The following FARSB variants were observed in gnomAD, a reference collection of about 807,000 sequenced individuals.
FARSB encodes phenylalanine--tRNA ligase beta subunit.
A neutral mutation model predicts 69.6 loss-of-function variants in FARSB; 40 were observed. The observed-to-expected ratio is 0.57, with a 90% CI of 0.45 to 0.75. The LOEUF is 0.75. FARSB is among the 30% of genes least tolerant of loss of function. The pLI, the probability that FARSB is intolerant of heterozygous loss-of-function variation, is 0.00. For synonymous variants in FARSB, 235 were observed against 247.2 expected (o/e 0.95, Z 0.46); for missense variants, 632 against 722.9 (o/e 0.87, Z 1.44).
At chr2:222,615,896 A>G (rs1690985002) in intron 14 of FARSB, among the ~76,000 whole-genome samples, 1 of 152,238 alleles carries the variant, frequency 6.6e-6, no homozygotes, top group Non-Finnish European at 1.5e-5. Context: ...ACAAAACTAC[A>G]ATGTTAAAAG....
rs1461262182 is a variant in FARSB at position 222,571,828 on chromosome 2, A to T, written c.*43T>A. Reference sequence around the variant, plus strand: ...GGACTTAAGGACACTAGGGGAGGAGAAAGGGACACCTGGGAAGAGAATCAC... The same window carrying T: ...GGACTTAAGGACACTAGGGGAGGAGTAAGGGACACCTGGGAAGAGAATCAC... On this transcript the variant is annotated 3_prime_UTR_variant, in exon 17 of 17. Coordinates refer to ENST00000281828, the MANE Select transcript of FARSB (RefSeq NM_005687.5). 1 of 1,566,678 alleles carries T rather than the reference A, an allele frequency of 6.4e-7. No homozygotes were observed. The highest frequency in any genetic ancestry group is 1.4e-5 in the African/African-American group (1 of 73,108).
chr2:222,608,049 A>T (rs1690752782), intron 15 of FARSB, among the ~76,000 whole-genome samples: 1 of 152,198 alleles, frequency 6.6e-6, no homozygotes, highest in African/African-American at 2.4e-5. Context: ...AAATGTACTA[A>T]AATAACTTTC....
intron 10 of FARSB, among the ~76,000 whole-genome samples, chr2:222,627,046 AAAG>A (rs760160673): frequency 4.4e-4 from 67 of 151,126 alleles, no homozygotes; most frequent in East Asian, 2.5e-3. Flanking sequence ...AAAAAAGAAA[AAAG>A]AAGAAGAAGA....
In FARSB at chr2:222,594,367, G is replaced by A. The variant is rs79677937; in HGVS notation, c.1618+5561C>T. On this transcript the variant is annotated intron_variant, in intron 16 of 16. Coordinates refer to ENST00000281828, the MANE Select transcript of FARSB (RefSeq NM_005687.5). Reference sequence around the variant, plus strand: ...TATAATTTGATACACTACAGTTTATGTAAGTAAATAAATAACATTAAGAGT... The same window carrying A: ...TATAATTTGATACACTACAGTTTATATAAGTAAATAAATAACATTAAGAGT... 6.0e-3 allele frequency among the ~76,000 whole-genome samples: 919 copies of A among 152,196 alleles called. 11 individuals are homozygous for A. Among genetic ancestry groups the A allele is most frequent in the African/African-American group, 0.021 (859 of 41,550 alleles).
At chr2:222,615,187 A>G (rs1297958254) in intron 14 of FARSB, among the ~76,000 whole-genome samples, 1 of 152,172 alleles carries the variant, frequency 6.6e-6, no homozygotes, top group African/African-American at 2.4e-5. Flanking sequence ...ACATGTTACC[A>G]GAAGAGTTTT....
In FARSB at chr2:222,570,143, A is replaced by T. The variant is rs556740145; in HGVS notation, c.*1728T>A. 1.3e-5 allele frequency among the ~76,000 whole-genome samples: 2 copies of T among 152,304 alleles called. No homozygotes were observed. Among genetic ancestry groups the T allele is most frequent in the East Asian group, 3.9e-4 (2 of 5,188 alleles). On this transcript the variant is annotated 3_prime_UTR_variant, in exon 17 of 17. Coordinates refer to ENST00000281828, the MANE Select transcript of FARSB (RefSeq NM_005687.5). ...ATTTCCCTGATGACTAACGATGTTG[A>T]GGATCTTTTCAAGTGCTCATTCATA...
chr2:222,623,712 T>C lies in FARSB; in HGVS notation c.1189A>G (p.Thr397Ala). The C allele has an allele frequency of 6.2e-7, 1 of 1,609,176 alleles. No individual in the cohort carries two copies. Among genetic ancestry groups the C allele is most frequent in the Non-Finnish European group, 8.5e-7 (1 of 1,175,744 alleles). The change falls in exon 13 of 17, where the codon ACT becomes GCT. Residue 397 changes from threonine (T) to alanine (A), a missense_variant. Transcript: ENST00000281828. Reference sequence around the variant, plus strand: ...GCCATGTCATGTCGGAGAAGTTCAGTGAGCTTATTAAGAGGAAACTGAAAA... The same window carrying C: ...GCCATGTCATGTCGGAGAAGTTCAGCGAGCTTATTAAGAGGAAACTGAAAA... ...IANQFPLNKL[T>A]ELLRHDMAAA...
chr2:222,583,801 C>T (rs952401418), intron 16 of FARSB, among the ~76,000 whole-genome samples: 5 of 152,136 alleles, frequency 3.3e-5, no homozygotes, highest in African/African-American at 9.7e-5. Flanking sequence ...AGGGAGTTCT[C>T]ACAAGATCTG....
chr2:222,653,225 G>A (rs1692082404), intron 1 of FARSB, among the ~76,000 whole-genome samples: 1 of 152,216 alleles, frequency 6.6e-6, no homozygotes, highest in South Asian at 2.1e-4. Context: ...GGAGTCAGAA[G>A]AGCAAAATAA....
intron 4 of FARSB, among the ~76,000 whole-genome samples, chr2:222,640,506 C>T (rs529560822): frequency 5.9e-5 from 9 of 151,934 alleles, no homozygotes; most frequent in Non-Finnish European, 1.3e-4. Flanking sequence ...TGTCTGTACT[C>T]CCAAATACTC....
rs775656359 is a variant in FARSB at position 222,640,875 on chromosome 2, A to G, written c.326T>C (p.Ile109Thr). ...VMPDGKIQKLIITEETAKIRP... is the reference protein window; with the variant it reads ...VMPDGKIQKLTITEETAKIRP... ...TGTCCTTATTACCTCTTCTGTGATA[A>G]TCAATTTCTGGATTTTTCCATCAGG... Residue 109 changes from isoleucine to threonine, a missense_variant, in exon 4 of 17, where the codon ATT (isoleucine) becomes ACT (threonine). Physicochemically the swap from Ile to Thr is moderately conservative, Grantham distance 89. Transcript: ENST00000281828. 7.1e-6 allele frequency: 11 copies of G among 1,554,234 alleles called. No homozygotes were observed. In the South Asian group the frequency reaches 1.3e-4, roughly 18 times the overall value.
chr2:222,595,651 A>G (rs1690390758), intron 16 of FARSB, among the ~76,000 whole-genome samples: 3 of 152,160 alleles, frequency 2.0e-5, no homozygotes, highest in Admixed American at 2.0e-4. Flanking sequence ...AATAATCAAA[A>G]CTGAAATAGG....
intron 14 of FARSB, among the ~76,000 whole-genome samples, chr2:222,616,401 G>C (rs1690995652): frequency 6.6e-6 from 1 of 152,076 alleles, no homozygotes. Context: ...ACAAAAATTA[G>C]CTGGGCGCGG....
chr2:222,620,284 T>G (rs1395480610), intron 13 of FARSB, among the ~76,000 whole-genome samples: 2 of 152,210 alleles, frequency 1.3e-5, no homozygotes, highest in Non-Finnish European at 2.9e-5. Context: ...TTTCATGACT[T>G]TCCATTTTGA....
intron 15 of FARSB, among the ~76,000 whole-genome samples, chr2:222,606,824 G>C (rs1234841246): frequency 6.6e-6 from 1 of 152,202 alleles, no homozygotes; most frequent in Admixed American, 6.5e-5. Flanking sequence ...GACTGGAAAA[G>C]AGCAGAGTCT....
intron 15 of FARSB, among the ~76,000 whole-genome samples, chr2:222,608,589 A>G (rs556267118): frequency 6.6e-6 from 1 of 152,314 alleles, no homozygotes; most frequent in East Asian, 1.9e-4. Flanking sequence ...TCTTAAACAT[A>G]TATTGTGACT....
Position 222,601,166 on chromosome 2 carries a change from T to C in FARSB, c.1463-1083A>G, listed in dbSNP as rs572524082. Among the ~76,000 whole-genome samples, 5 of 152,274 alleles carry C rather than the reference T, an allele frequency of 3.3e-5. No homozygotes were observed. The South Asian group carries it at 8.3e-4, about 25-fold the overall frequency. ...TTGAATGAGTATAAAAGTTTAGCCA[T>C]GCAAGATGAAAAGTTCTAGAGACCC... On this transcript the variant is annotated intron_variant, in intron 15 of 16. Coordinates refer to ENST00000281828, the MANE Select transcript of FARSB (RefSeq NM_005687.5).
chr2:222,618,727 A>G (rs1013299268), intron 14 of FARSB, among the ~76,000 whole-genome samples: 1 of 152,236 alleles, frequency 6.6e-6, no homozygotes, highest in Non-Finnish European at 1.5e-5. Flanking sequence ...AAACTTAGAC[A>G]ATTACAATAA....
In FARSB at chr2:222,648,773, T is replaced by C. The variant is rs770459110; in HGVS notation, c.81A>G (p.Leu27=). The change falls in exon 2 of 17, where the codon CTA becomes CTG. Residue 27 remains leucine (L), a synonymous_variant. Coordinates refer to ENST00000281828, the MANE Select transcript of FARSB (RefSeq NM_005687.5). ...RTYTDEEFDE[L]CFEFGLELDE... The stretch of plus-strand genomic sequence containing the variant: ...CAAGCTCCAGACCAAATTCAAAACA[T>C]AGTTCATCAAATTCTTCGTCAGCTA... The C allele has an allele frequency of 7.5e-6, 12 of 1,603,578 alleles. 1 individual carries two copies. In the Admixed American group the frequency reaches 1.8e-4, roughly 24 times the overall value.
Sources: allele counts gnomAD v4.1 joint callset (sites outside exome capture counted in the v4.1 genomes callset), GRCh38; gene constraint gnomAD v4.1.1; transcripts MANE v1.5; gene names NCBI Gene and HGNC (gene_info 2026-07-23, HGNC 2026-07-21).